The following GRPEL2 variants were observed in gnomAD, a reference collection of about 807,000 sequenced individuals.
GRPEL2 encodes the protein GrpE like 2, mitochondrial.
In GRPEL2, 18 loss-of-function variants were observed where a neutral mutation model predicts 25.9. The observed-to-expected ratio is 0.70, with a 90% confidence interval of 0.48 to 1.03. GRPEL2 has a LOEUF of 1.03. Ranked by LOEUF, GRPEL2 falls within the 50% of genes least tolerant of loss-of-function variation. The pLI, the probability that GRPEL2 is intolerant of heterozygous loss-of-function variation, is 0.00. For synonymous variants in GRPEL2, 106 were observed against 107.9 expected (o/e 0.98, Z 0.11); for missense variants, 247 against 276.2 (o/e 0.89, Z 0.75).
At chr5:149,350,273 C>T (rs1201091645) in intron 3 of GRPEL2, among the ~76,000 whole-genome samples, 1 of 152,196 alleles carries the variant, frequency 6.6e-6, no homozygotes, top group Non-Finnish European at 1.5e-5. Flanking sequence ...TGGGATTTCT[C>T]AACAACTGAA....
In GRPEL2 at chr5:149,351,017, TC is replaced by T; in HGVS notation, c.414del (p.Thr139LeufsTer12). ...SEESEPEDQK[L>X]TLEKVFRGLL... ...GAATCGGAGCCTGAGGACCAAAAGC[TC>T]ACTCTGGAGAAGGTCTTCCGAGGGT... On this transcript the variant is annotated frameshift_variant, in exon 4 of 4. Transcript: ENST00000329271. LOFTEE classifies it high-confidence loss of function. 1 of 1,614,218 alleles carries T rather than the reference TC, an allele frequency of 6.2e-7. No homozygotes were observed. The highest frequency in any genetic ancestry group is 1.1e-5 in the South Asian group (1 of 91,088).
Position 149,349,707 on chromosome 5 carries a change from G to A in GRPEL2, c.285G>A (p.Gln95=), listed in dbSNP as rs2127609936. 2 of 1,613,596 alleles carry A rather than the reference G, an allele frequency of 1.2e-6. No homozygotes were observed. Among genetic ancestry groups the A allele is most frequent in the Non-Finnish European group, 1.7e-6 (2 of 1,179,516 alleles). The part of the protein sequence containing the change: ...ADCENIRRRT[Q]RCVEDAKIFG... ...GTGAAAACATAAGGAGGCGAACCCAGAGATGTGTGGAAGACGCCAAGATAT... is the reference window on the plus strand; with the variant it reads ...GTGAAAACATAAGGAGGCGAACCCAAAGATGTGTGGAAGACGCCAAGATAT... Residue 95 remains glutamine, a synonymous_variant, in exon 3 of 4, where the codon CAG becomes CAA. Coordinates refer to ENST00000329271, the MANE Select transcript of GRPEL2 (RefSeq NM_152407.4).
chr5:149,345,864 G>A, intron 1 of GRPEL2: 1 of 554,822 alleles, frequency 1.8e-6, no homozygotes, highest in African/African-American at 1.9e-5. Flanking sequence ...TGGAAGGTGA[G>A]AAGTCTCTTA....
chr5:149,348,574 A>T, intron 2 of GRPEL2, 149 bp downstream of exon 2: 1 of 627,514 alleles, frequency 1.6e-6, no homozygotes, highest in Non-Finnish European at 2.7e-6. Context: ...TGCTAGGTAT[A>T]CTGGGCAGAA....
chr5:149,353,707 T>TA lies in GRPEL2; in HGVS notation c.*2427dup, dbSNP rs1228989817. On this transcript the variant is annotated 3_prime_UTR_variant, in exon 4 of 4. Coordinates refer to ENST00000329271, the MANE Select transcript of GRPEL2 (RefSeq NM_152407.4). The stretch of plus-strand genomic sequence containing the variant: ...CCCGTTTTGGCAAGTAAATTCAGAA[T>TA]AATTTTAGGTTCTTTTGTTATTCAG... The TA allele has an allele frequency of 6.6e-6, 1 of 152,174 alleles. No homozygotes were observed. The highest frequency in any genetic ancestry group is 1.5e-5 in the Non-Finnish European group (1 of 68,038). The allele number at this position is 152,174 out of a possible 1,614,324, so 9.4% of individuals were successfully genotyped here. A position where few individuals can be genotyped will look rare whatever the true frequency, so the allele number is the denominator to read the frequency against.
At position 149,352,469 on chromosome 5, in the gene GRPEL2, C is replaced by G. The variant is rs1414106825; in HGVS notation, c.*1187C>G. ...GTTTTTTTTTTTAAGTTGGTACTCA[C>G]AAATCACTACCTCTGTTATATTGAC... On this transcript the variant is annotated 3_prime_UTR_variant, in exon 4 of 4. Transcript: ENST00000329271. The G allele has an allele frequency of 6.6e-6, 1 of 151,844 alleles. No individual in the cohort carries two copies. Among genetic ancestry groups the G allele is most frequent in the East Asian group, 1.9e-4 (1 of 5,184 alleles). 9.4% of individuals were successfully genotyped at this position (151,844 alleles called of 1,614,324 possible).
intron 3 of GRPEL2, 47 bp from the exon 4 acceptor site, chr5:149,350,871 C>T: frequency 1.3e-6 from 2 of 1,595,700 alleles, no homozygotes; most frequent in Non-Finnish European, 8.5e-7. Flanking sequence ...TGCCCACGGG[C>T]AGAGTGATTT....
rs749834801 is a variant in GRPEL2 at position 149,345,574 on chromosome 5, G to A, written c.35G>A (p.Arg12Gln). 1.2e-6 allele frequency: 2 copies of A among 1,612,144 alleles called. No homozygotes were observed. The highest frequency in any genetic ancestry group is 1.7e-6 in the Non-Finnish European group (2 of 1,179,370). The change falls in exon 1 of 4, where the codon CGG becomes CAG. Residue 12 changes from arginine to glutamine, a missense_variant. Physicochemically the swap from Arg to Gln is conservative, Grantham distance 43 (BLOSUM62 1). Coordinates refer to ENST00000329271, the MANE Select transcript of GRPEL2 (RefSeq NM_152407.4). ...AVRSLWAGRL[R>Q]VQRLLAWSAA... ...CGGTCGCTGTGGGCGGGCCGGCTGC[G>A]GGTGCAGCGCCTACTGGCCTGGAGT...
At chr5:149,349,948 G>A (rs1757750387) in intron 3 of GRPEL2, 1 of 554,556 alleles carries the variant, frequency 1.8e-6, no homozygotes, top group Admixed American at 3.5e-5. Flanking sequence ...GGAGGCTGAG[G>A]CACGAGAATC....
At chr5:149,350,134 C>T (rs1757753235) in intron 3 of GRPEL2, among the ~76,000 whole-genome samples, 1 of 152,188 alleles carries the variant, frequency 6.6e-6, no homozygotes, top group African/African-American at 2.4e-5. Context: ...GGATTAAAGT[C>T]AGATTAACAA....
intron 2 of GRPEL2, among the ~76,000 whole-genome samples, chr5:149,349,285 C>T (rs540380300): frequency 2.6e-5 from 4 of 152,274 alleles, no homozygotes; most frequent in African/African-American, 4.8e-5. Context: ...CGTGAGCCAC[C>T]GTGCCCTGCC....
At position 149,348,393 on chromosome 5, in the gene GRPEL2, G is replaced by A. The variant is rs758926660; in HGVS notation, c.199G>A (p.Val67Ile). 9.9e-6 allele frequency: 16 copies of A among 1,611,120 alleles called. No homozygotes were observed. The highest frequency in any genetic ancestry group is 3.4e-4 in the Middle Eastern group (2 of 5,902). ...TGAACGAGCCTTAAGGGTAAAAGCTGTTAAACTGGAGAAAGAAGTCCAAGA... is the reference window on the plus strand; with the variant it reads ...TGAACGAGCCTTAAGGGTAAAAGCTATTAAACTGGAGAAAGAAGTCCAAGA... The part of the protein sequence containing the change: ...LAERALRVKA[V>I]KLEKEVQDLT... The change falls in exon 2 of 4, where the codon GTT (valine) becomes ATT (isoleucine). Residue 67 changes from valine (V) to isoleucine (I), a missense_variant. Physicochemically the swap from Val to Ile is conservative, Grantham distance 29. This residue lies in a region of GRPEL2 where 125 missense variants were observed against 107.0 expected (regional missense o/e 1.17). Coordinates refer to ENST00000329271, the MANE Select transcript of GRPEL2 (RefSeq NM_152407.4).
At chr5:149,349,143 C>G (rs1008946591) in intron 2 of GRPEL2, among the ~76,000 whole-genome samples, 1 of 152,050 alleles carries the variant, frequency 6.6e-6, no homozygotes, top group Non-Finnish European at 1.5e-5. Flanking sequence ...TTACAGGTGC[C>G]TGACACCATG....
At chr5:149,348,829 G>T (rs1470520469) in intron 2 of GRPEL2, among the ~76,000 whole-genome samples, 1 of 152,154 alleles carries the variant, frequency 6.6e-6, no homozygotes, top group African/African-American at 2.4e-5. Context: ...CTTAGAGGGA[G>T]ATAGATAAAC....
At chr5:149,346,590 T>C (rs1757692688) in intron 1 of GRPEL2, among the ~76,000 whole-genome samples, 1 of 152,056 alleles carries the variant, frequency 6.6e-6, no homozygotes, top group Non-Finnish European at 1.5e-5. Flanking sequence ...AGAAAAATGG[T>C]TCCTTCTGGT....
chr5:149,351,766 CTTTTG>C lies in GRPEL2; in HGVS notation c.*494_*498del, dbSNP rs1254760791. On this transcript the variant is annotated 3_prime_UTR_variant, in exon 4 of 4. Coordinates refer to ENST00000329271, the MANE Select transcript of GRPEL2 (RefSeq NM_152407.4). The stretch of plus-strand genomic sequence containing the variant: ...TACACATAGATTTTCAGGACTTTAC[CTTTTG>C]TTTTGTTTTTTTCCTTTTAGCCATC... 2.3e-4 allele frequency: 36 copies of C among 154,748 alleles called. 2 individuals carry two copies. Among genetic ancestry groups the C allele is most frequent in the Non-Finnish European group, 1.0e-4 (7 of 69,642 alleles). 9.6% of individuals were successfully genotyped at this position (154,748 alleles called of 1,614,324 possible).
At chr5:149,347,094 G>T (rs951611377) in intron 1 of GRPEL2, among the ~76,000 whole-genome samples, 2 of 152,082 alleles carry the variant, frequency 1.3e-5, no homozygotes, top group African/African-American at 4.8e-5. Context: ...ATGTTTCACC[G>T]TGTGTAATTA....
rs1233353589 is a variant in GRPEL2 at position 149,351,168 on chromosome 5, T to G, written c.564T>G (p.Val188=). ...TCATCTGTCATGTGCCAGCTGGTGTTGGGGTGCAGCCTGGCACCGTGGCAT... is the reference window on the plus strand; with the variant it reads ...TCATCTGTCATGTGCCAGCTGGTGTGGGGGTGCAGCCTGGCACCGTGGCAT... ...HELICHVPAG[V]GVQPGTVALV... The change falls in exon 4 of 4, where the codon GTT becomes GTG. Residue 188 remains valine (V), a synonymous_variant. Transcript: ENST00000329271. 6.2e-7 allele frequency: 1 copy of G among 1,614,054 alleles called. No individual in the cohort carries two copies.
Position 149,350,918 on chromosome 5 carries a change from G to T in GRPEL2, c.314G>T (p.Gly105Val), listed in dbSNP as rs1322236051. 1.2e-6 allele frequency: 2 copies of T among 1,611,288 alleles called. No individual in the cohort carries two copies. Among genetic ancestry groups the T allele is most frequent in the African/African-American group, 2.7e-5 (2 of 74,702 alleles). ...QRCVEDAKIF[G>V]IQSFCKDLVE... ...ATAAAAATAACTGGCTTCTCTGCAG[G>T]AATCCAGAGTTTCTGTAAGGACTTG... Residue 105 changes from glycine (G) to valine (V), a missense_variant and splice_region_variant, in exon 4 of 4, where the codon GGA (glycine) becomes GTA (valine). Gly to Val is a moderately radical substitution (Grantham distance 109). Around this residue, in one of 2 missense-constraint regions of GRPEL2, gnomAD observed 122 missense variants for 169.2 expected, o/e 0.72. Coordinates refer to ENST00000329271, the MANE Select transcript of GRPEL2 (RefSeq NM_152407.4).
Sources: allele counts gnomAD v4.1 joint callset (sites outside exome capture counted in the v4.1 genomes callset), GRCh38; gene constraint gnomAD v4.1.1; regional missense constraint gnomAD v4.1.1; transcripts MANE v1.5; gene names NCBI Gene and HGNC (gene_info 2026-07-23, HGNC 2026-07-21).